Variants in LTAP1 observed in about 807,000 individuals in gnomAD.
The protein encoded by LTAP1 is lipid transport auxiliary protein 1, also known as HCV NS5A-transactivated protein 4.
At chr1:154,208,983 G>A in the LTAP1 span, among the ~76,000 whole-genome samples, 2,140 of 152,160 alleles carry the variant, frequency 0.014, 45 homozygotes, top group African/African-American at 0.049. Context: ...CCTGACCTCA[G>A]GTGATCCACC....
the LTAP1 span, chr1:154,207,419 T>C: frequency 6.2e-7 from 1 of 1,606,178 alleles, no homozygotes; most frequent in Non-Finnish European, 8.5e-7. Flanking sequence ...TGCAACTGAC[T>C]GGCTTAATCT....
the LTAP1 span, among the ~76,000 whole-genome samples, chr1:154,219,609 T>C: frequency 6.6e-6 from 1 of 152,228 alleles, no homozygotes; most frequent in Non-Finnish European, 1.5e-5. Context: ...CCCTTCATTC[T>C]GCAGATACAA....
At chr1:154,210,679 A>T in the LTAP1 span, among the ~76,000 whole-genome samples, 1 of 151,964 alleles carries the variant, frequency 6.6e-6, no homozygotes, top group Non-Finnish European at 1.5e-5. Flanking sequence ...GGGTTTCACC[A>T]TGTTGGTTAA....
At chr1:154,217,515 G>C in the LTAP1 span, among the ~76,000 whole-genome samples, 1 of 151,912 alleles carries the variant, frequency 6.6e-6, no homozygotes, top group South Asian at 2.1e-4. Context: ...CGGCATTTTG[G>C]CTTTCTTCAC....
chr1:154,217,316 A>G, the LTAP1 span, among the ~76,000 whole-genome samples: 1 of 152,226 alleles, frequency 6.6e-6, no homozygotes, highest in African/African-American at 2.4e-5. Flanking sequence ...TTATGTATAT[A>G]AATTGATGAG....
the LTAP1 span, chr1:154,220,553 G>C: frequency 1.3e-6 from 1 of 782,908 alleles, no homozygotes. Context: ...GACCCGGCCT[G>C]AAAACATGGC....
chr1:154,211,599 T>A, the LTAP1 span: 1 of 151,600 alleles, frequency 6.6e-6, no homozygotes, highest in Admixed American at 6.6e-5. Context: ...CCTCCCAAAG[T>A]GCTGGGATTA....
the LTAP1 span, chr1:154,220,153 G>A: frequency 1.0e-5 from 8 of 783,074 alleles, no homozygotes; most frequent in African/African-American, 1.7e-5. Flanking sequence ...TAAAGGGAGG[G>A]TTCTAGACTA....
the LTAP1 span, chr1:154,213,851 G>C: frequency 1.3e-6 from 2 of 1,553,852 alleles, no homozygotes; most frequent in Non-Finnish European, 1.8e-6. Flanking sequence ...CCCTAGGTGG[G>C]CTTTCAGGAT....
chr1:154,218,242 T>C, the LTAP1 span, among the ~76,000 whole-genome samples: 1 of 152,234 alleles, frequency 6.6e-6, no homozygotes, highest in Non-Finnish European at 1.5e-5. Context: ...TGTTGGACCA[T>C]GGATTAGGTA....
the LTAP1 span, among the ~76,000 whole-genome samples, chr1:154,218,311 T>C: frequency 2.0e-5 from 3 of 152,206 alleles, no homozygotes; most frequent in African/African-American, 7.2e-5. Flanking sequence ...TACTAATTTA[T>C]ACTTTCACTA....
At chr1:154,220,237 A>AG in the LTAP1 span, 3 of 1,350,742 alleles carry the variant, frequency 2.2e-6, no homozygotes, top group Non-Finnish European at 3.2e-6. Flanking sequence ...AAGCCCGGAT[A>AG]GGCGCAGGTG....
At chr1:154,210,374 T>C in the LTAP1 span, among the ~76,000 whole-genome samples, 17 of 152,268 alleles carry the variant, frequency 1.1e-4, no homozygotes, top group South Asian at 3.5e-3. Context: ...CGTAGCTCAT[T>C]TTTAGGGACA....
At chr1:154,207,663 G>A in the LTAP1 span, 1 of 1,580,428 alleles carries the variant, frequency 6.3e-7, no homozygotes, top group East Asian at 2.2e-5. Flanking sequence ...AGAACAGAGA[G>A]GGGAGGTCAT....
the LTAP1 span, among the ~76,000 whole-genome samples, chr1:154,209,423 G>GTTTT: frequency 9.8e-6 from 1 of 101,850 alleles, no homozygotes; most frequent in Non-Finnish European, 1.9e-5. Context: ...GCTCTAAGCA[G>GTTTT]TTTTTTTTTT....
chr1:154,212,617 T>C, the LTAP1 span: 13 of 1,613,818 alleles, frequency 8.1e-6, 1 homozygote, highest in African/African-American at 1.7e-4. Context: ...CAGAATGAAA[T>C]GGGATCTCTG....
the LTAP1 span, chr1:154,212,601 G>A: frequency 2.9e-5 from 46 of 1,613,966 alleles, no homozygotes; most frequent in Non-Finnish European, 3.2e-5. Context: ...CGGGGATGCC[G>A]GCCTTCAGAA....
the LTAP1 span, chr1:154,219,987 G>GTT: frequency 0.04 from 46,105 of 1,162,052 alleles, 313 homozygotes; most frequent in African/African-American, 0.1. Context: ...GTTTTGTTTT[G>GTT]TTTTTTTTTT....
At chr1:154,210,753 A>G in the LTAP1 span, among the ~76,000 whole-genome samples, 1 of 152,140 alleles carries the variant, frequency 6.6e-6, no homozygotes, top group Non-Finnish European at 1.5e-5. Context: ...TTGGGATTAC[A>G]GGTGTGAGCC....
Sources: allele counts gnomAD v4.1 joint callset (sites outside exome capture counted in the v4.1 genomes callset), GRCh38; gene constraint gnomAD v4.1.1; transcripts MANE v1.5; gene names NCBI Gene and HGNC (gene_info 2026-07-23, HGNC 2026-07-21).